The following TASOR variants were observed in gnomAD, a reference collection of about 807,000 sequenced individuals.
The protein encoded by TASOR is protein TASOR.
In TASOR, 53 loss-of-function variants were observed where a neutral mutation model predicts 178.6. The ratio of observed to expected loss-of-function variants is 0.30; its 90% confidence interval spans 0.24 to 0.37. The LOEUF (loss-of-function observed/expected upper bound fraction) is 0.37, where lower values mean the gene tolerates loss of function less well. Ranked by LOEUF, TASOR falls within the 10% of genes least tolerant of loss-of-function variation. TASOR has a pLI of 1.00. For synonymous variants in TASOR, 713 were observed against 696.2 expected (o/e 1.02, Z -0.38); for missense variants, 1,815 against 1,971.4 (o/e 0.92, Z 1.50).
chr3:56,621,749 A>G lies in TASOR; in HGVS notation c.*1288T>C, dbSNP rs112561282. On this transcript the variant is annotated 3_prime_UTR_variant, in exon 24 of 24. Transcript: ENST00000683822. ...TTAAATGCTCATTAAAAACTTGTAT[A>G]CTATGTAGTAAAATGCTGTACTTGT... 1 of 519,152 alleles carries G rather than the reference A, an allele frequency of 1.9e-6. No individual in the cohort carries two copies. The allele number at this position is 519,152 out of a possible 1,614,324, so 32.2% of individuals were successfully genotyped here. A position where few individuals can be genotyped will look rare whatever the true frequency, so the allele number is the denominator to read the frequency against.
intron 11 of TASOR, among the ~76,000 whole-genome samples, chr3:56,658,326 G>A (rs889545501): frequency 2.0e-5 from 3 of 152,154 alleles, no homozygotes; most frequent in Non-Finnish European, 2.9e-5. Flanking sequence ...GGTGAGGAAC[G>A]AAATGCCATC....
rs1220665162 is a variant in TASOR, at chr3:56,683,230, GTTC to G, written c.-227_-225del. 1.5e-5 allele frequency: 7 copies of G among 470,268 alleles called. No homozygotes were observed. Among genetic ancestry groups the G allele is most frequent in the East Asian group, 3.4e-5 (1 of 29,408 alleles). 29.1% of individuals were successfully genotyped at this position (470,268 alleles called of 1,614,324 possible). A position where few individuals can be genotyped will look rare whatever the true frequency, so the allele number is the denominator to read the frequency against. ...CTCGGAGCCGCTCCTCCCTCGGGCA[GTTC>G]TTCTGCCTTCCCCCGCCACTCAACG... On this transcript the variant is annotated 5_prime_UTR_variant, in exon 1 of 24. Coordinates refer to ENST00000683822, the MANE Select transcript of TASOR (RefSeq NM_001365635.2).
intron 17 of TASOR, among the ~76,000 whole-genome samples, chr3:56,637,283 T>C (rs987027895): frequency 1.3e-5 from 2 of 152,176 alleles, no homozygotes; most frequent in Non-Finnish European, 2.9e-5. Flanking sequence ...TAAAGATCTG[T>C]GGCCAGGTTC....
chr3:56,671,838 T>G, intron 2 of TASOR, 146 bp from the exon 3 acceptor site: 1 of 505,002 alleles, frequency 2.0e-6, no homozygotes, highest in Non-Finnish European at 3.4e-6. Flanking sequence ...CCTTCAGTTT[T>G]TCCCCTATTT....
At chr3:56,639,924 A>T in intron 16 of TASOR, 62 bp downstream of exon 16, 2 of 1,467,054 alleles carry the variant, frequency 1.4e-6, no homozygotes, top group Non-Finnish European at 1.9e-6. Context: ...AGATGGAAAC[A>T]TTCAGGAAAC....
At chr3:56,656,799 C>T (rs987772419) in intron 11 of TASOR, among the ~76,000 whole-genome samples, 2 of 151,908 alleles carry the variant, frequency 1.3e-5, no homozygotes, top group Non-Finnish European at 2.9e-5. Context: ...ATGATGAGGT[C>T]AGGAGTTCGA....
chr3:56,662,201 A>AG (rs1241213105), intron 9 of TASOR, among the ~76,000 whole-genome samples, 184 bp downstream of exon 9: 3 of 152,156 alleles, frequency 2.0e-5, no homozygotes, highest in African/African-American at 7.2e-5. Flanking sequence ...ATCAAGACAG[A>AG]GACGTAGAGG....
intron 18 of TASOR, chr3:56,629,220 G>C (rs2076861456): frequency 6.6e-6 from 1 of 152,180 alleles, no homozygotes; most frequent in Non-Finnish European, 1.5e-5. Context: ...TGAGTTAACA[G>C]AAAGAACTGT....
chr3:56,678,254 T>C (rs913152323), intron 1 of TASOR, among the ~76,000 whole-genome samples: 2 of 146,840 alleles, frequency 1.4e-5, no homozygotes, highest in African/African-American at 5.1e-5. Context: ...CGATCTTGGC[T>C]CACTGCAACT....
chr3:56,639,615 T>C (rs2077082632), intron 16 of TASOR, among the ~76,000 whole-genome samples: 1 of 152,236 alleles, frequency 6.6e-6, no homozygotes, highest in South Asian at 2.1e-4. Flanking sequence ...AGTTTAAAGT[T>C]TGAGAAGACA....
At chr3:56,666,453 G>A in intron 6 of TASOR, 69 bp from the exon 7 acceptor site, 1 of 1,226,136 alleles carries the variant, frequency 8.2e-7, no homozygotes, top group Non-Finnish European at 1.1e-6. Flanking sequence ...TTAACTGCCT[G>A]ATTTCTGAGA....
At chr3:56,680,831 T>C (rs1340433340) in intron 1 of TASOR, among the ~76,000 whole-genome samples, 1 of 152,110 alleles carries the variant, frequency 6.6e-6, no homozygotes, top group Non-Finnish European at 1.5e-5. Context: ...TGTCTGTAAG[T>C]AAAAATGGAA....
chr3:56,661,055 T>TATTTTC, intron 9 of TASOR, 38 bp from the exon 10 acceptor site: 1 of 1,371,262 alleles, frequency 7.3e-7, no homozygotes, highest in South Asian at 1.2e-5. Flanking sequence ...GCCTTATCTG[T>TATTTTC]ATTTTCAACT....
In TASOR at chr3:56,641,498, C is replaced by G. The variant is rs1220208686; in HGVS notation, c.2470G>C (p.Asp824His). The change falls in exon 15 of 24, where the codon GAC becomes CAC. Residue 824 changes from aspartate (D) to histidine (H), a missense_variant. Asp to His is a moderately conservative substitution (Grantham distance 81). This residue lies in a region of TASOR where 655 missense variants were observed against 671.1 expected (regional missense o/e 0.98). Coordinates refer to ENST00000683822, the MANE Select transcript of TASOR (RefSeq NM_001365635.2). ...YELNSTPDKK[D>H]YEQPTCAKVE... ...TTTGCACAAGTAGGCTGCTCATAGT[C>G]TTTCTTATCTGGGGTAGAGTTCAAC... 6.2e-7 allele frequency: 1 copy of G among 1,613,938 alleles called. No homozygotes were observed. Among genetic ancestry groups the G allele is most frequent in the Non-Finnish European group, 8.5e-7 (1 of 1,179,828 alleles).
chr3:56,623,081 A>C lies in TASOR; in HGVS notation c.4969T>G (p.Trp1657Gly), dbSNP rs369272908. The change falls in exon 24 of 24, where the codon TGG becomes GGG. Residue 1657 changes from tryptophan (W) to glycine (G), a missense_variant. Trp to Gly is a radical substitution (Grantham distance 184). Around this residue, in one of 5 missense-constraint regions of TASOR, gnomAD observed 278 missense variants for 257.1 expected, o/e 1.08. Transcript: ENST00000683822. ...GGCCTGGAAGAATCACTTTTCCCCC[A>C]ACTTAAGGGAGGTGGAGATTTATCT... ...DRDKSPPPLS[W>G]GKSDSSRPYS... 6.3e-7 allele frequency: 1 copy of C among 1,597,716 alleles called. No individual in the cohort carries two copies. The highest frequency in any genetic ancestry group is 1.3e-5 in the African/African-American group (1 of 74,314).
Position 56,670,160 on chromosome 3 carries a change from A to C in TASOR, c.571-15T>G. ...ATGGTTTGAACCTAAATTTAAAAAAAAATACTTCATCTTGCAGTCATAACA... is the reference window on the plus strand; with the variant it reads ...ATGGTTTGAACCTAAATTTAAAAAACAATACTTCATCTTGCAGTCATAACA... On this transcript the variant is annotated splice_polypyrimidine_tract_variant and intron_variant, in intron 3 of 23. Transcript: ENST00000683822. 6.9e-7 allele frequency: 1 copy of C among 1,459,038 alleles called. No homozygotes were observed. The highest frequency in any genetic ancestry group is 9.2e-7 in the Non-Finnish European group (1 of 1,084,556). The allele number at this position is 1,459,038 out of a possible 1,614,324, so 90.4% of individuals were successfully genotyped here.
chr3:56,662,622 G>A, intron 8 of TASOR, 132 bp from the exon 9 acceptor site: 2 of 512,178 alleles, frequency 3.9e-6, no homozygotes, highest in Non-Finnish European at 3.5e-6. Flanking sequence ...AAAAAAAACA[G>A]TGACTCTTCT....
chr3:56,675,085 A>C (rs1262657429), intron 1 of TASOR, among the ~76,000 whole-genome samples: 1 of 152,064 alleles, frequency 6.6e-6, no homozygotes, highest in African/African-American at 2.4e-5. Flanking sequence ...TCGGCCTCCC[A>C]AAGTGCTGAG....
chr3:56,651,576 T>G (rs938641517), intron 11 of TASOR, among the ~76,000 whole-genome samples: 16 of 152,066 alleles, frequency 1.1e-4, no homozygotes, highest in African/African-American at 3.9e-4. Context: ...GTCATATGCC[T>G]ATAGTCCTGG....
Sources: allele counts gnomAD v4.1 joint callset (sites outside exome capture counted in the v4.1 genomes callset), GRCh38; gene constraint gnomAD v4.1.1; regional missense constraint gnomAD v4.1.1; transcripts MANE v1.5; gene names NCBI Gene and HGNC (gene_info 2026-07-23, HGNC 2026-07-21).